The following ZNF239 variants were observed in gnomAD, a reference collection of about 807,000 sequenced individuals.
ZNF239 encodes zinc finger protein (C2H2) homologous to mouse MOK-2.
ZNF239 carries 16 observed loss-of-function variants against 27.5 expected under a neutral mutation model. The ratio of observed to expected loss-of-function variants is 0.58; its 90% CI spans 0.39 to 0.88. ZNF239 has a LOEUF of 0.88. Among genes scored for constraint, ZNF239 ranks in the 40% least tolerant of loss-of-function variants. The pLI, the probability that ZNF239 is intolerant of heterozygous loss-of-function variation, is 0.00. For missense variants in ZNF239, 527 were observed against 551.9 expected, an observed-to-expected ratio of 0.95 and a Z score of 0.45; for synonymous variants, 199 against 192.6, an observed-to-expected ratio of 1.03 and a Z score of -0.27.
chr10:43,567,890 C>T lies in ZNF239; in HGVS notation c.-93+9G>A. On this transcript the variant is annotated intron_variant, in intron 3 of 3. Coordinates refer to ENST00000374446, the MANE Select transcript of ZNF239 (RefSeq NM_001099282.2). ...GGGCAGGTGTCCAAGTTCACATGTCCTTACCCACCAAGACCAAGTTTCTGT... is the reference window on the plus strand; with the variant it reads ...GGGCAGGTGTCCAAGTTCACATGTCTTTACCCACCAAGACCAAGTTTCTGT... 1 of 985,692 alleles carries T rather than the reference C, an allele frequency of 1.0e-6. No individual in the cohort carries two copies. Among genetic ancestry groups the T allele is most frequent in the Non-Finnish European group, 1.2e-6 (1 of 829,892 alleles). 61.1% of individuals were successfully genotyped at this position (985,692 alleles called of 1,614,324 possible).
intron 2 of ZNF239, chr10:43,570,556 C>T: frequency 4.1e-6 from 4 of 984,840 alleles, no homozygotes; most frequent in Non-Finnish European, 4.8e-6. Flanking sequence ...ATTATCTTTT[C>T]TCTCCCTTAT....
chr10:43,565,500 G>A (rs1426690746), intron 3 of ZNF239, among the ~76,000 whole-genome samples: 4 of 152,010 alleles, frequency 2.6e-5, no homozygotes, highest in African/African-American at 7.3e-5. Context: ...TCTCCTTTTG[G>A]CAGGGAGAGA....
At chr10:43,571,105 T>C (rs1023429544) in intron 2 of ZNF239, 26 of 754,542 alleles carry the variant, frequency 3.4e-5, no homozygotes, top group Middle Eastern at 6.6e-4. Flanking sequence ...CTGCTTACAG[T>C]TGGGAGAGCA....
chr10:43,569,239 CT>C (rs1338320378), intron 2 of ZNF239, among the ~76,000 whole-genome samples: 1 of 152,210 alleles, frequency 6.6e-6, no homozygotes, highest in African/African-American at 2.4e-5. Flanking sequence ...CTCCCCTGCC[CT>C]GCACTGTCAC....
At chr10:43,560,448 A>C (rs1419721276) in intron 3 of ZNF239, among the ~76,000 whole-genome samples, 1 of 152,136 alleles carries the variant, frequency 6.6e-6, no homozygotes, top group African/African-American at 2.4e-5. Flanking sequence ...AGGTGGACTT[A>C]AAAAATGGCC....
intron 3 of ZNF239, among the ~76,000 whole-genome samples, chr10:43,561,367 A>G (rs1277432110): frequency 6.6e-6 from 1 of 152,204 alleles, no homozygotes; most frequent in Admixed American, 6.5e-5. Flanking sequence ...ACAAACAAAG[A>G]AACAGAAAAT....
chr10:43,559,578 G>A (rs576500469), intron 3 of ZNF239, among the ~76,000 whole-genome samples: 2 of 152,272 alleles, frequency 1.3e-5, no homozygotes, highest in African/African-American at 4.8e-5. Flanking sequence ...CATTCTTGCA[G>A]TACTGGTCCG....
intron 3 of ZNF239, among the ~76,000 whole-genome samples, chr10:43,562,447 A>G (rs1427503227): frequency 6.6e-6 from 1 of 152,266 alleles, no homozygotes; most frequent in African/African-American, 2.4e-5. Flanking sequence ...TTAGAGGCCA[A>G]TGACCAGAAC....
At chr10:43,573,555 G>T (rs1838169286) in intron 2 of ZNF239, 82 bp downstream of exon 2, 4 of 873,562 alleles carry the variant, frequency 4.6e-6, no homozygotes, top group Middle Eastern at 5.9e-4. Flanking sequence ...CGTACTGGGG[G>T]CCTGACAATA....
At position 43,556,508 on chromosome 10, in the gene ZNF239, A is replaced by G. The variant is rs1588772615; in HGVS notation, c.*195T>C. 27 of 674,366 alleles carry G rather than the reference A, an allele frequency of 4.0e-5. No individual in the cohort carries two copies. The East Asian group carries it at 6.6e-4, about 17-fold the overall frequency. The allele number at this position is 674,366 out of a possible 1,614,324, so 41.8% of individuals were successfully genotyped here. A position where few individuals can be genotyped will look rare whatever the true frequency, so the allele number is the denominator to read the frequency against. The stretch of plus-strand genomic sequence containing the variant: ...TACTCTACCCATCTGAGAAACAAGA[A>G]CAATCCATTCATTGTACAGCATAAC... On this transcript the variant is annotated 3_prime_UTR_variant, in exon 4 of 4. Coordinates refer to ENST00000374446, the MANE Select transcript of ZNF239 (RefSeq NM_001099282.2).
intron 2 of ZNF239, among the ~76,000 whole-genome samples, chr10:43,572,425 C>A (rs913720855): frequency 6.6e-6 from 1 of 152,114 alleles, no homozygotes; most frequent in Non-Finnish European, 1.5e-5. Flanking sequence ...GCTGTATTTG[C>A]CAAGCAAAAA....
intron 3 of ZNF239, among the ~76,000 whole-genome samples, chr10:43,558,504 C>T (rs770170603): frequency 5.9e-5 from 9 of 152,044 alleles, no homozygotes; most frequent in Admixed American, 1.3e-4. Context: ...GCTGGAGTGC[C>T]GTGGTGTGAT....
At chr10:43,570,142 T>C in intron 2 of ZNF239, 1 of 983,938 alleles carries the variant, frequency 1.0e-6, no homozygotes, top group Non-Finnish European at 1.2e-6. Context: ...CCTCCTTCCT[T>C]GGGCCTGCCC....
rs766364747 is a variant in ZNF239, at chr10:43,557,998, A to C, written c.82T>G (p.Ser28Ala). Reference sequence around the variant, plus strand: ...GCTTCTCCCCACTGTTGACAAGGGGAAATATCTAGTTCAGGCTCCCCATCC... The same window carrying C: ...GCTTCTCCCCACTGTTGACAAGGGGCAATATCTAGTTCAGGCTCCCCATCC... The part of the protein sequence containing the change: ...EVDGEPELDI[S>A]PCQQWGEASS... Residue 28 changes from serine to alanine, a missense_variant, in exon 4 of 4, where the codon TCC becomes GCC. Coordinates refer to ENST00000374446, the MANE Select transcript of ZNF239 (RefSeq NM_001099282.2). 4.9e-5 allele frequency: 79 copies of C among 1,614,024 alleles called. No homozygotes were observed. Among genetic ancestry groups the C allele is most frequent in the Non-Finnish European group, 6.4e-5 (75 of 1,180,038 alleles).
In ZNF239 at chr10:43,558,066, A is replaced by G; in HGVS notation, c.14T>C (p.Ile5Thr). MAST[I>T]TGSQDCIVNH... is the part of the protein sequence containing the mutation. ...CACAATACAATCCTGACTTCCAGTAATTGTACTGGCCATGCCTTCCAAAAC... is the reference window on the plus strand; with the variant it reads ...CACAATACAATCCTGACTTCCAGTAGTTGTACTGGCCATGCCTTCCAAAAC... Residue 5 changes from isoleucine (I) to threonine (T), a missense_variant, in exon 4 of 4, where the codon ATT (isoleucine) becomes ACT (threonine). By Grantham distance (89) the Ile-to-Thr change is moderately conservative. Transcript: ENST00000374446. 6.2e-7 allele frequency: 1 copy of G among 1,613,592 alleles called. No individual in the cohort carries two copies.
chr10:43,559,570 T>C lies in ZNF239; in HGVS notation c.-92-1399A>G, dbSNP rs115360216. 3.4e-3 allele frequency among the ~76,000 whole-genome samples: 519 copies of C among 152,268 alleles called. 3 individuals are homozygous for C. The highest frequency in any genetic ancestry group is 0.012 in the African/African-American group (479 of 41,550). On this transcript the variant is annotated intron_variant, in intron 3 of 3. Coordinates refer to ENST00000374446, the MANE Select transcript of ZNF239 (RefSeq NM_001099282.2). ...TATAATCTGTGGTGTTGGTGGAACA[T>C]TCTTGCAGTACTGGTCCGTAAGCTG...
intron 2 of ZNF239, among the ~76,000 whole-genome samples, chr10:43,572,168 TTGTG>T (rs1323737477): frequency 3.3e-5 from 5 of 152,180 alleles, no homozygotes; most frequent in Non-Finnish European, 7.3e-5. Flanking sequence ...AAAAAAGTTG[TTGTG>T]TAACACACAC....
chr10:43,563,654 T>C (rs1386919724), intron 3 of ZNF239, among the ~76,000 whole-genome samples: 1 of 152,232 alleles, frequency 6.6e-6, no homozygotes, highest in Non-Finnish European at 1.5e-5. Context: ...AATGAAAACC[T>C]AGAGCAGAGC....
chr10:43,559,867 A>G (rs1837095978), intron 3 of ZNF239, among the ~76,000 whole-genome samples: 2 of 152,164 alleles, frequency 1.3e-5, no homozygotes, highest in South Asian at 2.1e-4. Flanking sequence ...GAACTAGGGG[A>G]AAAAAATGTA....
Sources: gnomAD v4.1 joint callset for allele counts (sites outside exome capture counted in the v4.1 genomes callset) on GRCh38, gnomAD v4.1.1 for gene constraint, MANE v1.5 for transcripts, NCBI Gene and HGNC (gene_info 2026-07-23, HGNC 2026-07-21) for gene names.